The following NCALD variants were observed in gnomAD, a reference collection of about 807,000 sequenced individuals.
NCALD encodes neurocalcin delta.
Under a neutral mutation model 18.6 loss-of-function variants are expected in NCALD, and 10 were observed. The ratio of observed to expected loss-of-function variants is 0.54; its 90% confidence interval spans 0.33 to 0.91. The LOEUF is 0.91. NCALD is among the 40% of genes least tolerant of loss of function. The pLI is 0.03. For missense variants in NCALD, 184 were observed against 247.6 expected (o/e 0.74, Z 1.72); for synonymous variants, 88 against 87.4 (o/e 1.01, Z -0.04).
At chr8:101,740,225 T>G (rs1191094655) in intron 1 of NCALD, among the ~76,000 whole-genome samples, 1 of 152,252 alleles carries the variant, frequency 6.6e-6, no homozygotes, top group Non-Finnish European at 1.5e-5. Flanking sequence ...CACTAACATC[T>G]GCTGAACTAA....
chr8:101,793,047 C>T (rs1424165617), upstream of NCALD, among the ~76,000 whole-genome samples: 1 of 152,126 alleles, frequency 6.6e-6, no homozygotes, highest in African/African-American at 2.4e-5. Context: ...ATTCAGTGAA[C>T]TATTAAAATA....
chr8:102,010,689 T>C (rs1432670724), intron 2 of NCALD, among the ~76,000 whole-genome samples: 1 of 152,214 alleles, frequency 6.6e-6, no homozygotes, highest in Non-Finnish European at 1.5e-5. Flanking sequence ...ACTTTGGCTT[T>C]ACTGGTAAGG....
At chr8:101,946,491 A>G (rs892075751) in intron 2 of NCALD, among the ~76,000 whole-genome samples, 3 of 152,174 alleles carry the variant, frequency 2.0e-5, no homozygotes, top group Non-Finnish European at 2.9e-5. Flanking sequence ...ATTTTTTTGC[A>G]CCAAAATAAA....
At chr8:101,861,902 A>AT (rs1261210781) in intron 4 of NCALD, among the ~76,000 whole-genome samples, 1 of 152,140 alleles carries the variant, frequency 6.6e-6, no homozygotes, top group Non-Finnish European at 1.5e-5. Flanking sequence ...GGTACTGTTT[A>AT]TTTTTTCACT....
At chr8:101,918,740 CCACACACACA>C (rs34480976) in intron 2 of NCALD, among the ~76,000 whole-genome samples, 55 of 140,750 alleles carry the variant, frequency 3.9e-4, no homozygotes, top group Middle Eastern at 7.0e-3. Flanking sequence ...TTTACAATAG[CCACACACACA>C]CACACACACA....
intron 1 of NCALD, among the ~76,000 whole-genome samples, chr8:102,116,263 AAAACAAAAACAAAAAC>A (rs923925370): frequency 8.8e-5 from 13 of 148,062 alleles, no homozygotes; most frequent in African/African-American, 1.2e-4. Flanking sequence ...ATAATAAACA[AAAACAAAAACAAAAAC>A]AAACAAAAAC....
chr8:101,988,102 C>T (rs539906117), intron 2 of NCALD, among the ~76,000 whole-genome samples: 4 of 140,178 alleles, frequency 2.9e-5, no homozygotes, highest in African/African-American at 1.1e-4. Flanking sequence ...TTGCGGTGAG[C>T]CGAGATCGCG....
intron 4 of NCALD, among the ~76,000 whole-genome samples, chr8:101,803,308 G>A (rs1018419460): frequency 1.1e-4 from 17 of 152,244 alleles, no homozygotes; most frequent in African/African-American, 4.1e-4. Context: ...ACTATGTTAA[G>A]CCCATTGTTG....
chr8:101,885,309 T>C (rs1198556391), intron 4 of NCALD, among the ~76,000 whole-genome samples: 1 of 152,268 alleles, frequency 6.6e-6, no homozygotes, highest in Non-Finnish European at 1.5e-5. Flanking sequence ...TATGGTTATC[T>C]GGATTTCTGC....
At chr8:101,967,028 TACATA>T (rs1820057397) in intron 2 of NCALD, among the ~76,000 whole-genome samples, 1 of 152,220 alleles carries the variant, frequency 6.6e-6, no homozygotes, top group Non-Finnish European at 1.5e-5. Context: ...TGTTCAGCAG[TACATA>T]ACATGTCTAT....
chr8:102,017,599 G>A (rs1245977240), intron 2 of NCALD, among the ~76,000 whole-genome samples: 4 of 152,158 alleles, frequency 2.6e-5, no homozygotes, highest in South Asian at 2.1e-4. Context: ...GGAGGCTGAC[G>A]CAGGAGAATT....
chr8:101,974,300 G>C (rs1018198593), intron 2 of NCALD, among the ~76,000 whole-genome samples: 1 of 152,088 alleles, frequency 6.6e-6, no homozygotes, highest in Non-Finnish European at 1.5e-5. Flanking sequence ...TAAATTTTAT[G>C]ATCTTTGATA....
chr8:102,051,762 C>A (rs1823467860), intron 1 of NCALD, among the ~76,000 whole-genome samples: 1 of 152,224 alleles, frequency 6.6e-6, no homozygotes, highest in Non-Finnish European at 1.5e-5. Flanking sequence ...GCTATCAGAA[C>A]ACAGAAGTCC....
intron 1 of NCALD, among the ~76,000 whole-genome samples, chr8:101,721,887 G>A (rs1006559345): frequency 6.7e-6 from 1 of 150,156 alleles, no homozygotes; most frequent in Non-Finnish European, 1.5e-5. Context: ...TGTCACTCAG[G>A]CTGCAATGTG....
chr8:101,952,226 G>A (rs1171832519), intron 2 of NCALD, among the ~76,000 whole-genome samples: 1 of 152,150 alleles, frequency 6.6e-6, no homozygotes, highest in Non-Finnish European at 1.5e-5. Flanking sequence ...CGCAAAGAAT[G>A]CAAGTACAGG....
At chr8:101,708,884 A>G (rs953194504) in intron 2 of NCALD, among the ~76,000 whole-genome samples, 1 of 152,216 alleles carries the variant, frequency 6.6e-6, no homozygotes, top group Admixed American at 6.5e-5. Context: ...GCTCAAGAAT[A>G]GAAAATTGTG....
chr8:102,069,499 A>G (rs1824113646), intron 1 of NCALD, among the ~76,000 whole-genome samples: 1 of 152,226 alleles, frequency 6.6e-6, no homozygotes. Context: ...AAAATGTACA[A>G]TTTGAGTCCT....
At chr8:101,968,792 C>A (rs1056406238) in intron 2 of NCALD, among the ~76,000 whole-genome samples, 1 of 152,150 alleles carries the variant, frequency 6.6e-6, no homozygotes, top group Non-Finnish European at 1.5e-5. Flanking sequence ...TCTTCAAATT[C>A]TATCATAAAT....
At chr8:101,893,455 C>G in intron 3 of NCALD, among the ~76,000 whole-genome samples, 1 of 147,576 alleles carries the variant, frequency 6.8e-6, no homozygotes, top group African/African-American at 2.6e-5. Flanking sequence ...ACTGCATCAA[C>G]TAACGAGCAA....
Sources: allele counts gnomAD v4.1 joint callset (sites outside exome capture counted in the v4.1 genomes callset), GRCh38; gene constraint gnomAD v4.1.1; transcripts MANE v1.5; gene names NCBI Gene and HGNC (gene_info 2026-07-23, HGNC 2026-07-21).